The following IL7R variants were observed in gnomAD, a reference collection of about 807,000 sequenced individuals.
The protein encoded by IL7R is interleukin-7 receptor subunit alpha.
IL7R carries 38 observed loss-of-function variants against 47.0 expected under a neutral mutation model. That is an observed-to-expected ratio of 0.81 (90% CI 0.62 to 1.06). The LOEUF (loss-of-function observed/expected upper bound fraction) is 1.06. Among genes scored for constraint, IL7R ranks in the 50% least tolerant of loss-of-function variants. The probability of loss-of-function intolerance (pLI) is 0.00; values close to 1 mark genes in which losing one functional copy is unlikely to be tolerated. For missense variants in IL7R, 633 were observed against 534.8 expected, an observed-to-expected ratio of 1.18 and a Z score of -1.81; for synonymous variants, 221 against 199.8, an observed-to-expected ratio of 1.11 and a Z score of -0.89.
Position 35,879,292 on chromosome 5 carries a change from T to C in IL7R, c.*2806T>C, listed in dbSNP as rs565991507. ...GGGAATTTGCTTCAGAAAAGCCAAG[T>C]ATGGGCTGTTCAGAGGTGCACACCT... On this transcript the variant is annotated 3_prime_UTR_variant, in exon 8 of 8. Coordinates refer to ENST00000303115, the MANE Select transcript of IL7R (RefSeq NM_002185.5). 4.3e-6 allele frequency: 1 copy of C among 232,788 alleles called. No individual in the cohort carries two copies. Among genetic ancestry groups the C allele is most frequent in the East Asian group, 6.0e-5 (1 of 16,534 alleles). The allele number at this position is 232,788 out of a possible 1,614,324, so 14.4% of individuals were successfully genotyped here. A position where few individuals can be genotyped will look rare whatever the true frequency, so the allele number is the denominator to read the frequency against.
In IL7R at chr5:35,876,727, A is replaced by G. The variant is rs891200218; in HGVS notation, c.*241A>G. 1.9e-6 allele frequency: 1 copy of G among 523,100 alleles called. No individual in the cohort carries two copies. The highest frequency in any genetic ancestry group is 1.9e-5 in the African/African-American group (1 of 52,586). The allele number at this position is 523,100 out of a possible 1,614,324, so 32.4% of individuals were successfully genotyped here. ...TTGGTCACAAGGTTTAAGGTGACCC[A>G]ATGATTCAGCTATTTAAAAAAAAAA... On this transcript the variant is annotated 3_prime_UTR_variant, in exon 8 of 8. Transcript: ENST00000303115.
chr5:35,857,953 T>C (rs1457599923), intron 1 of IL7R, among the ~76,000 whole-genome samples: 3 of 152,214 alleles, frequency 2.0e-5, no homozygotes, highest in African/African-American at 4.8e-5. Flanking sequence ...TTTTGAGTCA[T>C]GTAATTACGA....
rs1276293213 is a variant in IL7R, at chr5:35,877,773, A to G, written c.*1287A>G. 8.6e-6 allele frequency: 2 copies of G among 233,190 alleles called. No homozygotes were observed. The highest frequency in any genetic ancestry group is 1.7e-5 in the Non-Finnish European group (2 of 118,058). The allele number at this position is 233,190 out of a possible 1,614,324, so 14.4% of individuals were successfully genotyped here. ...GTATTATTAATGCTTGACATATATC[A>G]TCTTGCCTTTCTTGGTCTAGACTGA... On this transcript the variant is annotated 3_prime_UTR_variant, in exon 8 of 8. Coordinates refer to ENST00000303115, the MANE Select transcript of IL7R (RefSeq NM_002185.5).
At chr5:35,875,935 G>A (rs955808566) in intron 7 of IL7R, 48 bp from the exon 8 acceptor site, 3 of 1,590,176 alleles carry the variant, frequency 1.9e-6, no homozygotes, top group Middle Eastern at 1.7e-4. Flanking sequence ...ATTTGATGGT[G>A]TGTCTCTCTG....
intron 3 of IL7R, 66 bp downstream of exon 3, chr5:35,867,529 A>AT (rs1326385354): frequency 1.6e-6 from 2 of 1,284,172 alleles, no homozygotes; most frequent in Admixed American, 3.4e-5. Context: ...GTGTCTGGAC[A>AT]TTCTGTAGGT....
chr5:35,871,410 T>C (rs538687064), intron 4 of IL7R, among the ~76,000 whole-genome samples, 197 bp downstream of exon 4: 1 of 152,340 alleles, frequency 6.6e-6, no homozygotes, highest in African/African-American at 2.4e-5. Context: ...CTGGTTGTTT[T>C]CTTCTGCTCT....
intron 5 of IL7R, among the ~76,000 whole-genome samples, 199 bp from the exon 6 acceptor site, chr5:35,874,250 T>C (rs902654923): frequency 2.6e-5 from 4 of 152,196 alleles, no homozygotes; most frequent in African/African-American, 4.8e-5. Context: ...TGGCAGATGC[T>C]CTGGGCCTGG....
chr5:35,865,171 T>C (rs578117605), intron 2 of IL7R, among the ~76,000 whole-genome samples: 2 of 152,194 alleles, frequency 1.3e-5, no homozygotes, highest in Admixed American at 1.3e-4. Context: ...CAAGTGCTCT[T>C]ATCGTTCAAT....
intron 3 of IL7R, among the ~76,000 whole-genome samples, chr5:35,867,901 C>A (rs1296509956): frequency 1.2e-5 from 1 of 86,200 alleles, no homozygotes; most frequent in African/African-American, 6.6e-5. Context: ...CTCTATTAGT[C>A]AGAGTTTTCT....
At position 35,879,065 on chromosome 5, in the gene IL7R, T is replaced by G. The variant is rs903702636; in HGVS notation, c.*2579T>G. On this transcript the variant is annotated 3_prime_UTR_variant, in exon 8 of 8. Coordinates refer to ENST00000303115, the MANE Select transcript of IL7R (RefSeq NM_002185.5). ...TACTAATTGGTTCTGCCCAATCTCC[T>G]TTCAGATTTTATTAGGAAAAAAAAA... 2.1e-5 allele frequency: 5 copies of G among 232,684 alleles called. No homozygotes were observed. Among genetic ancestry groups the G allele is most frequent in the African/African-American group, 1.1e-4 (5 of 45,318 alleles). The allele number at this position is 232,684 out of a possible 1,614,324, so 14.4% of individuals were successfully genotyped here. A position where few individuals can be genotyped will look rare whatever the true frequency, so the allele number is the denominator to read the frequency against.
intron 3 of IL7R, 33 bp downstream of exon 3, chr5:35,867,496 C>T (rs1049267335): frequency 6.3e-7 from 1 of 1,581,472 alleles, no homozygotes; most frequent in African/African-American, 1.3e-5. Context: ...ATGGTTGTCA[C>T]TTTTGGGCTA....
chr5:35,874,022 G>A (rs1760143809), intron 5 of IL7R, among the ~76,000 whole-genome samples: 1 of 152,194 alleles, frequency 6.6e-6, no homozygotes, highest in Non-Finnish European at 1.5e-5. Flanking sequence ...ATGCAGGCAA[G>A]TGCGGCTGTC....
chr5:35,865,504 T>C (rs1227285520), intron 2 of IL7R, among the ~76,000 whole-genome samples: 1 of 152,204 alleles, frequency 6.6e-6, no homozygotes, highest in Non-Finnish European at 1.5e-5. Context: ...CAAATAGTAT[T>C]TCTAGCTCTG....
rs1760249481 is a variant in IL7R at position 35,877,590 on chromosome 5, C to A, written c.*1104C>A. On this transcript the variant is annotated 3_prime_UTR_variant, in exon 8 of 8. Transcript: ENST00000303115. ...CGAGTGAGAGGAGGCATGACCCCTC[C>A]CATGTGTATAGACACTACCCCAACC... 2 of 233,032 alleles carry A rather than the reference C, an allele frequency of 8.6e-6. No homozygotes were observed. The highest frequency in any genetic ancestry group is 1.7e-5 in the Non-Finnish European group (2 of 117,998). The allele number at this position is 233,032 out of a possible 1,614,324, so 14.4% of individuals were successfully genotyped here. A position where few individuals can be genotyped will look rare whatever the true frequency, so the allele number is the denominator to read the frequency against.
chr5:35,873,173 G>T (rs1253644632), intron 4 of IL7R: 2 of 392,878 alleles, frequency 5.1e-6, no homozygotes, highest in Non-Finnish European at 9.6e-6. Context: ...TATGTGAAAG[G>T]ATAGAGAGAA....
chr5:35,872,541 C>T (rs1005643131), intron 4 of IL7R, among the ~76,000 whole-genome samples: 1 of 151,442 alleles, frequency 6.6e-6, no homozygotes, highest in Non-Finnish European at 1.5e-5. Flanking sequence ...TGCCTAGCCA[C>T]CTTCATATAA....
intron 6 of IL7R, 103 bp downstream of exon 6, chr5:35,874,645 A>G: frequency 1.1e-6 from 1 of 883,452 alleles, no homozygotes; most frequent in Non-Finnish European, 1.9e-6. Flanking sequence ...GGATTAAGGC[A>G]TTTCACGAAT....
chr5:35,874,437 C>A lies in IL7R; in HGVS notation c.707-12C>A, dbSNP rs1252255580. On this transcript the variant is annotated splice_polypyrimidine_tract_variant and intron_variant, in intron 5 of 7. Transcript: ENST00000303115. ...TACTGAATGCTCACCACAATCTATT[C>A]TTGCTTTCCAGGGGAGATGGATCCT... The A allele has an allele frequency of 3.8e-6, 6 of 1,583,272 alleles. No individual in the cohort carries two copies. Among genetic ancestry groups the A allele is most frequent in the Non-Finnish European group, 4.3e-6 (5 of 1,151,606 alleles).
chr5:35,877,424 G>T lies in IL7R; in HGVS notation c.*938G>T, dbSNP rs189056705. ...TTTGGTTTCATTTTTCTGAAAATAG[G>T]CTCAAGAGGGAATAAATTAGAAACT... On this transcript the variant is annotated 3_prime_UTR_variant, in exon 8 of 8. Coordinates refer to ENST00000303115, the MANE Select transcript of IL7R (RefSeq NM_002185.5). 27 of 233,142 alleles carry T rather than the reference G, an allele frequency of 1.2e-4. No homozygotes were observed. The highest frequency in any genetic ancestry group is 5.5e-4 in the African/African-American group (25 of 45,440). 14.4% of individuals were successfully genotyped at this position (233,142 alleles called of 1,614,324 possible).
Sources: gnomAD v4.1 joint callset for allele counts (sites outside exome capture counted in the v4.1 genomes callset) on GRCh38, gnomAD v4.1.1 for gene constraint, MANE v1.5 for transcripts, NCBI Gene and HGNC (gene_info 2026-07-23, HGNC 2026-07-21) for gene names.